PARP8: variants seen among roughly 807,000 people sequenced by gnomAD.
PARP8 encodes protein mono-ADP-ribosyltransferase PARP8.
In PARP8, 51 loss-of-function variants were observed where a neutral mutation model predicts 124.1. That is an observed-to-expected ratio of 0.41 (90% CI 0.33 to 0.52). The LOEUF (loss-of-function observed/expected upper bound fraction) is 0.52, where lower values mean the gene tolerates loss of function less well. Ranked by LOEUF, PARP8 falls within the 20% of genes least tolerant of loss-of-function variation. The pLI, the probability that PARP8 is intolerant of heterozygous loss-of-function variation, is 0.21. For missense variants in PARP8, 860 were observed against 1,018.9 expected (o/e 0.84, Z 2.12); for synonymous variants, 391 against 361.5 (o/e 1.08, Z -0.93).
At chr5:50,667,957 G>A (rs534502710) in intron 1 of PARP8, 114 bp from the exon 2 acceptor site, 1 of 1,593,138 alleles carries the variant, frequency 6.3e-7, no homozygotes, top group Non-Finnish European at 8.5e-7. Flanking sequence ...TCTAGCCCTT[G>A]CCTTCTGCCC....
At chr5:50,818,631 C>T (rs969979065) in intron 15 of PARP8, among the ~76,000 whole-genome samples, 3 of 151,788 alleles carry the variant, frequency 2.0e-5, no homozygotes, top group African/African-American at 7.3e-5. Context: ...CTCCCACCCC[C>T]GCCTCCCAAA....
rs139797475 is a variant in PARP8 at position 50,713,521 on chromosome 5, G to A, written c.147-36630G>A. Among the ~76,000 whole-genome samples, 563 of 152,096 alleles carry A rather than the reference G, an allele frequency of 3.7e-3. 4 individuals are homozygous for A. Among genetic ancestry groups the A allele is most frequent in the South Asian group, 0.029 (139 of 4,816 alleles). On this transcript the variant is annotated intron_variant, in intron 2 of 25. Transcript: ENST00000281631. ...CTCCCATAGTGCTGGGATTACAGGC[G>A]TGAACCATCACACCCAGCTATTATT...
intron 2 of PARP8, among the ~76,000 whole-genome samples, chr5:50,674,368 C>G (rs778630871): frequency 6.6e-6 from 1 of 152,194 alleles, no homozygotes; most frequent in Non-Finnish European, 1.5e-5. Flanking sequence ...CTCTGCCAAC[C>G]TCTACTTTGA....
upstream of PARP8, chr5:50,665,983 G>A (rs1012922503): frequency 1.3e-5 from 2 of 152,180 alleles, no homozygotes; most frequent in African/African-American, 4.8e-5. Flanking sequence ...AAGCCAAACA[G>A]GTTTCCATCT....
intron 2 of PARP8, among the ~76,000 whole-genome samples, chr5:50,712,732 G>A (rs1435720336): frequency 2.0e-5 from 3 of 151,978 alleles, no homozygotes; most frequent in Non-Finnish European, 2.9e-5. Context: ...AGGGAGCCAC[G>A]GGAGCATGCA....
At chr5:50,764,754 T>A (rs1310320577) in intron 7 of PARP8, among the ~76,000 whole-genome samples, 1 of 152,016 alleles carries the variant, frequency 6.6e-6, no homozygotes, top group Non-Finnish European at 1.5e-5. Context: ...AGAATGCATA[T>A]ATGAAGAAGG....
At chr5:50,777,773 A>G (rs1490400620) in intron 7 of PARP8, among the ~76,000 whole-genome samples, 28 of 152,208 alleles carry the variant, frequency 1.8e-4, no homozygotes, top group Admixed American at 1.8e-3. Flanking sequence ...TCATATGGGA[A>G]GATTGACTAA....
At chr5:50,755,747 A>C (rs1371646495) in intron 3 of PARP8, among the ~76,000 whole-genome samples, 1 of 152,158 alleles carries the variant, frequency 6.6e-6, no homozygotes, top group Non-Finnish European at 1.5e-5. Flanking sequence ...TGGGGATGGC[A>C]TTCAATCTAT....
chr5:50,669,717 G>A (rs1403475577), intron 2 of PARP8, among the ~76,000 whole-genome samples: 3 of 152,196 alleles, frequency 2.0e-5, no homozygotes, highest in Non-Finnish European at 4.4e-5. Context: ...ATAATTAAGC[G>A]AGATAACATC....
chr5:50,757,710 T>C (rs169497), intron 3 of PARP8, among the ~76,000 whole-genome samples: 130,876 of 152,138 alleles, frequency 0.86, 56,503 homozygotes, highest in East Asian at 0.96. Context: ...CTTCCAGTGT[T>C]GACACTTTAT....
intron 14 of PARP8, among the ~76,000 whole-genome samples, chr5:50,802,273 A>T (rs1743309673): frequency 1.3e-5 from 2 of 152,148 alleles, no homozygotes; most frequent in Non-Finnish European, 2.9e-5. Flanking sequence ...GATTACAATT[A>T]ACATTCTAAT....
intron 9 of PARP8, among the ~76,000 whole-genome samples, chr5:50,781,028 T>C (rs1740611995): frequency 6.6e-6 from 1 of 152,182 alleles, no homozygotes; most frequent in Admixed American, 6.5e-5. Flanking sequence ...TATGTAATTA[T>C]TTATTATTCC....
chr5:50,823,535 C>G (rs1032453733), intron 17 of PARP8, among the ~76,000 whole-genome samples: 2 of 152,092 alleles, frequency 1.3e-5, no homozygotes, highest in Non-Finnish European at 2.9e-5. Flanking sequence ...ACAAGCACTC[C>G]TTATTTGTAT....
chr5:50,784,829 T>C (rs1186709142), intron 9 of PARP8, among the ~76,000 whole-genome samples: 1 of 152,066 alleles, frequency 6.6e-6, no homozygotes, highest in Non-Finnish European at 1.5e-5. Context: ...TATTCCTGAG[T>C]ACTTATTTGC....
At chr5:50,667,972 A>G in intron 1 of PARP8, 99 bp from the exon 2 acceptor site, 1 of 1,582,674 alleles carries the variant, frequency 6.3e-7, no homozygotes, top group Non-Finnish European at 8.6e-7. Flanking sequence ...CTGCCCGGCC[A>G]GGCCTCCCCT....
rs372484593 is a variant in PARP8 at position 50,837,785 on chromosome 5, A to AGAT, written c.2462+2771_2462+2773dup. On this transcript the variant is annotated intron_variant, in intron 25 of 25. Transcript: ENST00000281631. ...AAAATGGAAGTAAAAATTTAAAGGA[A>AGAT]GATATCAATTAAAAAAAAAAGAAGA... 2.0e-3 allele frequency among the ~76,000 whole-genome samples: 298 copies of AGAT among 152,100 alleles called. 3 individuals carry two copies. Among genetic ancestry groups the AGAT allele is most frequent in the African/African-American group, 6.8e-3 (282 of 41,534 alleles).
At chr5:50,724,329 G>C (rs1325990711) in intron 2 of PARP8, among the ~76,000 whole-genome samples, 1 of 152,008 alleles carries the variant, frequency 6.6e-6, no homozygotes, top group East Asian at 1.9e-4. Context: ...TAAGTTTTCA[G>C]TAGATGCATT....
At chr5:50,733,164 C>A (rs1388859334) in intron 2 of PARP8, among the ~76,000 whole-genome samples, 1 of 151,694 alleles carries the variant, frequency 6.6e-6, no homozygotes, top group Non-Finnish European at 1.5e-5. Context: ...ATTAGCCAGG[C>A]GTGGTGTTGT....
In PARP8 at chr5:50,757,237, A is replaced by C. The variant is rs569272301; in HGVS notation, c.185-2406A>C. ...ATGGGTAAAGTAGAAGAAATAGATAAATTCCTAGAGACCTATCAAGACTGA... is the reference window on the plus strand; with the variant it reads ...ATGGGTAAAGTAGAAGAAATAGATACATTCCTAGAGACCTATCAAGACTGA... On this transcript the variant is annotated intron_variant, in intron 3 of 25. Transcript: ENST00000281631. 2.8e-4 allele frequency: 129 copies of C among 452,768 alleles called. 1 individual carries two copies. Among genetic ancestry groups the C allele is most frequent in the Non-Finnish European group, 4.5e-4 (102 of 225,324 alleles). The allele number at this position is 452,768 out of a possible 1,614,324, so 28.0% of individuals were successfully genotyped here. A position where few individuals can be genotyped will look rare whatever the true frequency, so the allele number is the denominator to read the frequency against.
Sources: allele counts gnomAD v4.1 joint callset (sites outside exome capture counted in the v4.1 genomes callset), GRCh38; gene constraint gnomAD v4.1.1; transcripts MANE v1.5; gene names NCBI Gene and HGNC (gene_info 2026-07-23, HGNC 2026-07-21).